Variants in ADAMTS2 observed in about 807,000 individuals in gnomAD.
ADAMTS2 encodes ADAM metallopeptidase with thrombospondin type 1 motif 2, also known as A disintegrin and metalloproteinase with thrombospondin motifs 2.
A neutral mutation model predicts 123.0 loss-of-function variants in ADAMTS2; 50 were observed. The ratio of observed to expected loss-of-function variants is 0.41; its 90% CI spans 0.32 to 0.51. The LOEUF (loss-of-function observed/expected upper bound fraction) is 0.51. ADAMTS2 is among the 20% of genes least tolerant of loss of function. The probability of loss-of-function intolerance (pLI) is 0.35; values close to 1 mark genes in which losing one functional copy is unlikely to be tolerated. For missense variants in ADAMTS2, 1,494 were observed against 1,705.2 expected (o/e 0.88, Z 2.18); for synonymous variants, 678 against 695.4 (o/e 0.98, Z 0.39).
chr5:179,273,930 C>T (rs1453289790), intron 2 of ADAMTS2, among the ~76,000 whole-genome samples: 1 of 152,076 alleles, frequency 6.6e-6, no homozygotes, highest in African/African-American at 2.4e-5. Context: ...TCTCACTGGG[C>T]TGGGTGCACC....
At chr5:179,267,561 C>T (rs1340111201) in intron 3 of ADAMTS2, among the ~76,000 whole-genome samples, 2 of 152,252 alleles carry the variant, frequency 1.3e-5, no homozygotes, top group African/African-American at 2.4e-5. Flanking sequence ...GAAGCACCTG[C>T]CCCTCCTCTG....
chr5:179,222,928 G>A (rs915577496), intron 3 of ADAMTS2, among the ~76,000 whole-genome samples: 50 of 152,178 alleles, frequency 3.3e-4, no homozygotes, highest in Admixed American at 5.9e-4. Context: ...CAGTCCTGTT[G>A]CCACTTTCTG....
intron 3 of ADAMTS2, among the ~76,000 whole-genome samples, chr5:179,226,564 A>C (rs1212257337): frequency 6.6e-6 from 1 of 151,988 alleles, no homozygotes; most frequent in African/African-American, 2.4e-5. Context: ...GGTATGAGCC[A>C]CCGAGCAGCT....
chr5:179,265,830 G>A (rs576085243), intron 3 of ADAMTS2, among the ~76,000 whole-genome samples: 2 of 152,360 alleles, frequency 1.3e-5, no homozygotes, highest in African/African-American at 2.4e-5. Context: ...CACGCCTCCC[G>A]GAGCCGCCTC....
intron 3 of ADAMTS2, among the ~76,000 whole-genome samples, chr5:179,222,511 C>T (rs534517577): frequency 2.0e-5 from 3 of 152,240 alleles, no homozygotes; most frequent in Non-Finnish European, 2.9e-5. Context: ...CCCTGCTTGC[C>T]GGGCCCCAGC....
chr5:179,345,176 C>G lies in ADAMTS2; in HGVS notation c.139+14G>C. The G allele has an allele frequency of 9.1e-7, 1 of 1,097,982 alleles. No homozygotes were observed. Among genetic ancestry groups the G allele is most frequent in the Non-Finnish European group, 1.1e-6 (1 of 905,836 alleles). 68.0% of individuals were successfully genotyped at this position (1,097,982 alleles called of 1,614,324 possible). On this transcript the variant is annotated intron_variant, in intron 1 of 21. Coordinates refer to ENST00000251582, the MANE Select transcript of ADAMTS2 (RefSeq NM_014244.5). The surrounding 1 kb of genome is among the most constrained non-coding windows in gnomAD (Gnocchi z 7.5). The stretch of plus-strand genomic sequence containing the variant: ...GGCGGGGGTCCCGGGGAGTAGGGGC[C>G]GGGCCGCACCTACCTGGGGGGTCGG...
At position 179,185,118 on chromosome 5, in the gene ADAMTS2, G is replaced by A. The variant is rs1286969562; in HGVS notation, c.892-3963C>T. On this transcript the variant is annotated intron_variant, in intron 4 of 21. Transcript: ENST00000251582. The surrounding 1 kb of genome is among the most constrained non-coding windows in gnomAD (Gnocchi z 5.9). ...GTGGAAGGGATGCCCCAGCAGAGGA[G>A]GTGGGAGGGGAGCACTGAGGCCAGA... Among the ~76,000 whole-genome samples the A allele has an allele frequency of 6.6e-6, 1 of 152,206 alleles. No homozygotes were observed. Among genetic ancestry groups the A allele is most frequent in the Non-Finnish European group, 1.5e-5 (1 of 68,040 alleles).
intron 2 of ADAMTS2, among the ~76,000 whole-genome samples, chr5:179,336,630 T>C (rs1757620476): frequency 6.6e-6 from 1 of 152,136 alleles, no homozygotes; most frequent in Non-Finnish European, 1.5e-5. Flanking sequence ...TTAGAGCTAA[T>C]GATATGCAGA....
At chr5:179,270,680 G>A (rs1468176849) in intron 3 of ADAMTS2, among the ~76,000 whole-genome samples, 1 of 152,202 alleles carries the variant, frequency 6.6e-6, no homozygotes, top group Non-Finnish European at 1.5e-5. Flanking sequence ...CTGGACGCCT[G>A]AGGTCACCGT....
chr5:179,184,330 G>C (rs112647030), intron 4 of ADAMTS2, among the ~76,000 whole-genome samples: 26 of 151,950 alleles, frequency 1.7e-4, no homozygotes, highest in African/African-American at 4.8e-4. Flanking sequence ...TGGCCAACAC[G>C]GTGAAACCCT....
intron 3 of ADAMTS2, among the ~76,000 whole-genome samples, chr5:179,253,536 C>T (rs1222747174): frequency 1.3e-5 from 2 of 151,686 alleles, no homozygotes; most frequent in South Asian, 2.1e-4. Context: ...ATCCCAGCTG[C>T]TAGGGAGGCT....
chr5:179,212,177 G>A lies in ADAMTS2; in HGVS notation c.689-4462C>T, dbSNP rs543662337. On this transcript the variant is annotated intron_variant, in intron 3 of 21. Coordinates refer to ENST00000251582, the MANE Select transcript of ADAMTS2 (RefSeq NM_014244.5). ...CCTCGGGAGCATCGTGGGATGGTGC[G>A]GGCTCTGAGGGTGGGTACAGTGGGC... Among the ~76,000 whole-genome samples the A allele has an allele frequency of 3.3e-5, 5 of 152,214 alleles. 1 individual carries two copies. Among genetic ancestry groups the A allele is most frequent in the South Asian group, 2.1e-4 (1 of 4,822 alleles).
At chr5:179,258,474 G>A (rs573847143) in intron 3 of ADAMTS2, among the ~76,000 whole-genome samples, 1 of 152,100 alleles carries the variant, frequency 6.6e-6, no homozygotes, top group African/African-American at 2.4e-5. Flanking sequence ...GGCCACCCCA[G>A]CCTCGGCCCC....
At position 179,117,225 on chromosome 5, in the gene ADAMTS2, G is replaced by A. The variant is rs1040399615; in HGVS notation, c.3179-2901C>T. Among the ~76,000 whole-genome samples, 5 of 152,166 alleles carry A rather than the reference G, an allele frequency of 3.3e-5. No individual in the cohort carries two copies. The highest frequency in any genetic ancestry group is 7.3e-5 in the Non-Finnish European group (5 of 68,032). On this transcript the variant is annotated intron_variant, in intron 21 of 21. Coordinates refer to ENST00000251582, the MANE Select transcript of ADAMTS2 (RefSeq NM_014244.5). The surrounding 1 kb of genome is among the most constrained non-coding windows in gnomAD (Gnocchi z 4.2). ...GGGAAACACAGGGGGTTCTGGATAA[G>A]AGCTGATGGTGGCCTCCCTTCTCCC...
At position 179,260,604 on chromosome 5, in the gene ADAMTS2, C is replaced by T. The variant is rs1766192886; in HGVS notation, c.688+12307G>A. Among the ~76,000 whole-genome samples the T allele has an allele frequency of 6.6e-6, 1 of 152,122 alleles. No homozygotes were observed. The highest frequency in any genetic ancestry group is 1.5e-5 in the Non-Finnish European group (1 of 68,024). On this transcript the variant is annotated intron_variant, in intron 3 of 21. Coordinates refer to ENST00000251582, the MANE Select transcript of ADAMTS2 (RefSeq NM_014244.5). The surrounding 1 kb of genome is among the most constrained non-coding windows in gnomAD (Gnocchi z 4.2). The stretch of plus-strand genomic sequence containing the variant: ...GGTGTCAGCAGCCCTGGGTTCTAAG[C>T]CTGCTCCTCCCTCCTGATGCAGGAG...
intron 3 of ADAMTS2, among the ~76,000 whole-genome samples, chr5:179,211,123 C>G (rs538297671): frequency 6.6e-6 from 1 of 152,356 alleles, no homozygotes; most frequent in African/African-American, 2.4e-5. Flanking sequence ...CCACTTGGTC[C>G]CTCCAAGGCA....
chr5:179,225,119 T>C lies in ADAMTS2; in HGVS notation c.689-17404A>G, dbSNP rs371864471. On this transcript the variant is annotated intron_variant, in intron 3 of 21. Coordinates refer to ENST00000251582, the MANE Select transcript of ADAMTS2 (RefSeq NM_014244.5). The surrounding 1 kb of genome is among the most constrained non-coding windows in gnomAD (Gnocchi z 4.5). ...ACGCAGGGGCCTGAGGAACACTCCCTGGTTATCCACACGGCAACTAACACT... is the reference window on the plus strand; with the variant it reads ...ACGCAGGGGCCTGAGGAACACTCCCCGGTTATCCACACGGCAACTAACACT... Among the ~76,000 whole-genome samples, 1 of 152,184 alleles carries C rather than the reference T, an allele frequency of 6.6e-6. No homozygotes were observed. The highest frequency in any genetic ancestry group is 1.5e-5 in the Non-Finnish European group (1 of 68,036).
chr5:179,152,333 T>C (rs1763377518), intron 9 of ADAMTS2, 78 bp from the exon 10 acceptor site: 2 of 1,392,090 alleles, frequency 1.4e-6, no homozygotes, highest in Admixed American at 1.8e-5. Context: ...CCCCGGGTTC[T>C]GGAACCTGAG....
Position 179,115,072 on chromosome 5 carries a change from T to C in ADAMTS2, c.3179-748A>G, listed in dbSNP as rs1324676862. On this transcript the variant is annotated intron_variant, in intron 21 of 21. Coordinates refer to ENST00000251582, the MANE Select transcript of ADAMTS2 (RefSeq NM_014244.5). The surrounding 1 kb of genome is among the most constrained non-coding windows in gnomAD (Gnocchi z 4.4). ...CCCAAAGAAACGTGCTGCCCTCACA[T>C]AGATTAATCGTTCCACCCTGCACAT... Among the ~76,000 whole-genome samples, 5 of 152,266 alleles carry C rather than the reference T, an allele frequency of 3.3e-5. No homozygotes were observed. The South Asian group carries it at 1.0e-3, about 32-fold the overall frequency.
Sources: gnomAD v4.1 joint callset for allele counts (sites outside exome capture counted in the v4.1 genomes callset) on GRCh38, gnomAD v4.1.1 for gene constraint, Gnocchi (gnomAD v3.1) non-coding constraint, MANE v1.5 for transcripts, NCBI Gene and HGNC (gene_info 2026-07-23, HGNC 2026-07-21) for gene names.